Variants in PARD3 observed in about 807,000 individuals in gnomAD.
PARD3 encodes the protein partitioning defective 3 homolog.
In PARD3, 75 loss-of-function variants were observed where a neutral mutation model predicts 155.4. The ratio of observed to expected loss-of-function variants is 0.48; its 90% CI spans 0.40 to 0.58. The LOEUF is 0.58. Among genes scored for constraint, PARD3 ranks in the 20% least tolerant of loss-of-function variants. The pLI is 0.00. For missense variants in PARD3, 1,642 were observed against 1,721.7 expected (o/e 0.95, Z 0.82); for synonymous variants, 576 against 610.5 (o/e 0.94, Z 0.83).
chr10:34,610,874 G>A (rs955624700), intron 2 of PARD3, among the ~76,000 whole-genome samples: 2 of 152,120 alleles, frequency 1.3e-5, no homozygotes, highest in Admixed American at 6.5e-5. Flanking sequence ...ATTTATGTCT[G>A]TAAAGGGTGG....
At chr10:34,467,816 C>T (rs913896418) in intron 4 of PARD3, among the ~76,000 whole-genome samples, 1 of 152,154 alleles carries the variant, frequency 6.6e-6, no homozygotes, top group African/African-American at 2.4e-5. Context: ...GGTTAATTGG[C>T]AGTGAGAGTC....
At chr10:34,138,738 T>C (rs1026495336) in intron 22 of PARD3, among the ~76,000 whole-genome samples, 2 of 152,200 alleles carry the variant, frequency 1.3e-5, no homozygotes, top group Admixed American at 6.5e-5. Context: ...GCTTATATCA[T>C]TTGGCCATTT....
intron 2 of PARD3, among the ~76,000 whole-genome samples, chr10:34,556,801 G>C (rs892976122): frequency 6.6e-6 from 1 of 152,004 alleles, no homozygotes; most frequent in Middle Eastern, 3.4e-3. Context: ...CACACAAACC[G>C]TTTCCTTTCC....
chr10:34,559,437 T>A, intron 2 of PARD3, among the ~76,000 whole-genome samples: 1 of 125,804 alleles, frequency 7.9e-6, no homozygotes. Flanking sequence ...TTCATTTTTC[T>A]CCTAAAAAAA....
intron 2 of PARD3, among the ~76,000 whole-genome samples, chr10:34,542,204 T>TGG (rs1564825992): frequency 5.1e-4 from 2 of 3,892 alleles, no homozygotes; most frequent in Admixed American, 4.2e-3. Flanking sequence ...TTGTTTGGGG[T>TGG]GTGTGTGTGT....
chr10:34,800,153 A>G (rs1423991514), intron 1 of PARD3, among the ~76,000 whole-genome samples: 2 of 151,602 alleles, frequency 1.3e-5, no homozygotes, highest in Non-Finnish European at 2.9e-5. Context: ...AAAAAAAAAA[A>G]AGTTTCTTAT....
chr10:34,642,151 C>A (rs1204122523), intron 2 of PARD3, among the ~76,000 whole-genome samples: 1 of 152,030 alleles, frequency 6.6e-6, no homozygotes, highest in Non-Finnish European at 1.5e-5. Context: ...TCCCCGCCCA[C>A]CCAAGGCTCA....
chr10:34,331,825 C>G (rs138529606), intron 18 of PARD3, among the ~76,000 whole-genome samples: 2 of 151,970 alleles, frequency 1.3e-5, no homozygotes, highest in East Asian at 3.9e-4. Flanking sequence ...ATTGTCAAGT[C>G]TCTTCCTTGC....
chr10:34,739,084 C>T (rs1407802829), intron 1 of PARD3, among the ~76,000 whole-genome samples: 1 of 152,092 alleles, frequency 6.6e-6, no homozygotes, highest in Non-Finnish European at 1.5e-5. Flanking sequence ...AATTACCAAC[C>T]ACTGAAATGT....
chr10:34,697,029 T>C (rs2094186353), intron 1 of PARD3, among the ~76,000 whole-genome samples: 1 of 145,188 alleles, frequency 6.9e-6, no homozygotes, highest in Non-Finnish European at 1.5e-5. Context: ...CATATTAAAA[T>C]GCGTAAACAC....
At chr10:34,358,282 G>A (rs182230726) in intron 14 of PARD3, among the ~76,000 whole-genome samples, 36 of 152,196 alleles carry the variant, frequency 2.4e-4, no homozygotes, top group Non-Finnish European at 8.8e-5. Flanking sequence ...AACAAAGTAT[G>A]TTTTTCCATA....
chr10:34,263,338 A>C (rs1955121224), intron 22 of PARD3, among the ~76,000 whole-genome samples: 1 of 152,166 alleles, frequency 6.6e-6, no homozygotes, highest in Non-Finnish European at 1.5e-5. Context: ...AAAGTGAAGC[A>C]GAGACTTTAC....
chr10:34,776,105 T>C (rs916416438), intron 1 of PARD3, among the ~76,000 whole-genome samples: 14 of 152,106 alleles, frequency 9.2e-5, no homozygotes, highest in East Asian at 5.8e-4. Flanking sequence ...GGTTGAAATT[T>C]TGGAAAAGTA....
chr10:34,460,035 T>C (rs1282298603), intron 4 of PARD3, among the ~76,000 whole-genome samples: 1 of 152,174 alleles, frequency 6.6e-6, no homozygotes, highest in Non-Finnish European at 1.5e-5. Flanking sequence ...CATAATCTTA[T>C]CCTACATATT....
At chr10:34,722,884 T>G (rs1460776733) in intron 1 of PARD3, among the ~76,000 whole-genome samples, 1 of 152,176 alleles carries the variant, frequency 6.6e-6, no homozygotes, top group East Asian at 1.9e-4. Context: ...TATCTAAGAT[T>G]TATTTCAAAA....
intron 2 of PARD3, among the ~76,000 whole-genome samples, chr10:34,581,002 A>G (rs1403781641): frequency 6.6e-6 from 1 of 152,200 alleles, no homozygotes; most frequent in Admixed American, 6.5e-5. Flanking sequence ...GTGTGAAGTG[A>G]TATTGTTTTC....
chr10:34,798,427 G>A (rs548882844), intron 1 of PARD3, among the ~76,000 whole-genome samples: 9 of 151,976 alleles, frequency 5.9e-5, no homozygotes, highest in South Asian at 4.2e-4. Context: ...AAAACATGCC[G>A]GGCGCAGTGG....
At chr10:34,427,240 G>A (rs546761280) in intron 5 of PARD3, among the ~76,000 whole-genome samples, 9 of 152,172 alleles carry the variant, frequency 5.9e-5, no homozygotes, top group South Asian at 2.1e-4. Context: ...TCTTATTACC[G>A]AAAACGGGTA....
intron 2 of PARD3, among the ~76,000 whole-genome samples, chr10:34,640,456 A>C (rs952810404): frequency 4.6e-5 from 7 of 151,970 alleles, no homozygotes; most frequent in Non-Finnish European, 1.0e-4. Context: ...GTCTCTACTA[A>C]AAATACAAAA....
Sources: allele counts gnomAD v4.1 joint callset (sites outside exome capture counted in the v4.1 genomes callset), GRCh38; gene constraint gnomAD v4.1.1; transcripts MANE v1.5; gene names NCBI Gene and HGNC (gene_info 2026-07-23, HGNC 2026-07-21).